DDX31: variants seen among roughly 807,000 people sequenced by gnomAD.
DDX31 encodes ATP-dependent DNA helicase DDX31.
Under a neutral mutation model 91.3 loss-of-function variants are expected in DDX31, and 70 were observed. The observed-to-expected ratio is 0.77, with a 90% confidence interval of 0.63 to 0.94. The LOEUF (loss-of-function observed/expected upper bound fraction) is 0.94, where lower values mean the gene tolerates loss of function less well. DDX31 is among the 40% of genes least tolerant of loss of function. The pLI is 0.00. For missense variants in DDX31, 902 were observed against 925.0 expected (o/e 0.98, Z 0.32); for synonymous variants, 362 against 350.6 (o/e 1.03, Z -0.36).
intron 19 of DDX31, among the ~76,000 whole-genome samples, chr9:132,611,117 A>G (rs1376166299): frequency 6.6e-6 from 1 of 152,186 alleles, no homozygotes; most frequent in Non-Finnish European, 1.5e-5. Context: ...GGCAGCTCAG[A>G]GTGGTTCTGC....
Position 132,593,002 on chromosome 9 carries a change from G to A in DDX31, c.*1864C>T, listed in dbSNP as rs1351962638. 2.6e-5 allele frequency: 4 copies of A among 152,162 alleles called. No individual in the cohort carries two copies. The highest frequency in any genetic ancestry group is 9.7e-5 in the African/African-American group (4 of 41,408). The allele number at this position is 152,162 out of a possible 1,614,324, so 9.4% of individuals were successfully genotyped here. ...TAATCTGTCAAGAGCCATAATAGAAGAGAAAGAGATTTATTTTAAGGTTAT... is the reference window on the plus strand; with the variant it reads ...TAATCTGTCAAGAGCCATAATAGAAAAGAAAGAGATTTATTTTAAGGTTAT... On this transcript the variant is annotated 3_prime_UTR_variant, in exon 20 of 20. Coordinates refer to ENST00000372159, the MANE Select transcript of DDX31 (RefSeq NM_022779.9).
At chr9:132,648,036 T>C (rs532245521) in intron 11 of DDX31, among the ~76,000 whole-genome samples, 153 bp downstream of exon 11, 23 of 152,172 alleles carry the variant, frequency 1.5e-4, no homozygotes, top group African/African-American at 5.1e-4. Flanking sequence ...GTGTAGAACA[T>C]AGAGTTTGAA....
At chr9:132,628,411 G>A (rs917389059) in intron 16 of DDX31, among the ~76,000 whole-genome samples, 6 of 152,070 alleles carry the variant, frequency 3.9e-5, no homozygotes, top group South Asian at 2.1e-4. Flanking sequence ...ACGTAAATGC[G>A]GGCACACTAT....
intron 11 of DDX31, among the ~76,000 whole-genome samples, chr9:132,647,978 C>A (rs1833939572): frequency 6.6e-6 from 1 of 152,090 alleles, no homozygotes; most frequent in South Asian, 2.1e-4. Context: ...TTTCCCCATG[C>A]CCTGGGGAAC....
At chr9:132,611,346 G>T (rs1457090972) in intron 19 of DDX31, among the ~76,000 whole-genome samples, 1 of 152,176 alleles carries the variant, frequency 6.6e-6, no homozygotes, top group Non-Finnish European at 1.5e-5. Flanking sequence ...TGACATGAGT[G>T]GCTCACAGGG....
At chr9:132,624,372 T>C (rs1832261033) in intron 17 of DDX31, among the ~76,000 whole-genome samples, 1 of 152,150 alleles carries the variant, frequency 6.6e-6, no homozygotes, top group Admixed American at 6.5e-5. Context: ...TAAAGTAACC[T>C]GATGACCAAT....
intron 5 of DDX31, 137 bp from the exon 6 acceptor site, chr9:132,658,872 C>G: frequency 1.4e-6 from 1 of 719,640 alleles, no homozygotes; most frequent in Non-Finnish European, 2.2e-6. Flanking sequence ...GCCCATTATA[C>G]ATCCAAGAGA....
At chr9:132,642,099 A>G in intron 13 of DDX31, 36 bp from the exon 14 acceptor site, 1 of 1,598,228 alleles carries the variant, frequency 6.3e-7, no homozygotes, top group Non-Finnish European at 8.6e-7. Flanking sequence ...CTTACAACTC[A>G]GAGACAAACT....
chr9:132,631,975 C>A, intron 15 of DDX31, 66 bp downstream of exon 15: 1 of 1,400,936 alleles, frequency 7.1e-7, no homozygotes, highest in Non-Finnish European at 9.9e-7. Flanking sequence ...CTACTTAAAG[C>A]CAATGCATCT....
chr9:132,651,186 T>C (rs1834165084), intron 7 of DDX31, 70 bp from the exon 8 acceptor site: 8 of 1,342,132 alleles, frequency 6.0e-6, no homozygotes, highest in Non-Finnish European at 8.4e-6. Flanking sequence ...GACAATTTAA[T>C]GTGATTAGGA....
At chr9:132,608,629 T>C (rs564999689) in intron 19 of DDX31, among the ~76,000 whole-genome samples, 15 of 152,274 alleles carry the variant, frequency 9.9e-5, no homozygotes, top group Non-Finnish European at 1.9e-4. Flanking sequence ...GCACATAATA[T>C]ATAATTATTC....
intron 19 of DDX31, among the ~76,000 whole-genome samples, chr9:132,609,445 C>A (rs974606510): frequency 1.3e-5 from 2 of 152,110 alleles, no homozygotes; most frequent in South Asian, 2.1e-4. Context: ...GCCTCCAATT[C>A]CCCCGCCCAC....
intron 19 of DDX31, among the ~76,000 whole-genome samples, chr9:132,607,449 T>C (rs1173367334): frequency 6.6e-6 from 1 of 152,200 alleles, no homozygotes; most frequent in East Asian, 1.9e-4. Flanking sequence ...AATTATTGCA[T>C]TACTGATAAT....
At chr9:132,598,610 A>G (rs1488918391) in intron 19 of DDX31, among the ~76,000 whole-genome samples, 1 of 152,220 alleles carries the variant, frequency 6.6e-6, no homozygotes, top group Non-Finnish European at 1.5e-5. Context: ...TGGAGAAGAG[A>G]GATCGCAGGG....
chr9:132,621,703 C>T (rs1023894277), intron 17 of DDX31, among the ~76,000 whole-genome samples: 23 of 152,296 alleles, frequency 1.5e-4, no homozygotes, highest in Admixed American at 7.2e-4. Flanking sequence ...TTAAGACACA[C>T]GTTATTTCTT....
At chr9:132,609,866 C>T (rs1440503586) in intron 19 of DDX31, among the ~76,000 whole-genome samples, 1 of 152,132 alleles carries the variant, frequency 6.6e-6, no homozygotes, top group Non-Finnish European at 1.5e-5. Context: ...GTGATCCACC[C>T]GCCTCGGCCT....
At chr9:132,646,263 G>A (rs974242675) in intron 12 of DDX31, among the ~76,000 whole-genome samples, 192 bp from the exon 13 acceptor site, 4 of 152,080 alleles carry the variant, frequency 2.6e-5, no homozygotes, top group East Asian at 1.9e-4. Context: ...AGAGGAAAAC[G>A]ACACAGCTAT....
chr9:132,603,445 G>A lies in DDX31; in HGVS notation c.1995-8333C>T, dbSNP rs561525649. ...TTCCTGTTGCAGAAAGCAACTTAAT[G>A]AAAGTAGAGTTAGATTAGAAGAGGA... On this transcript the variant is annotated intron_variant, in intron 19 of 19. Coordinates refer to ENST00000372159, the MANE Select transcript of DDX31 (RefSeq NM_022779.9). Among the ~76,000 whole-genome samples, 17 of 152,324 alleles carry A rather than the reference G, an allele frequency of 1.1e-4. No homozygotes were observed. In the South Asian group the frequency reaches 3.3e-3, roughly 30 times the overall value.
Position 132,669,957 on chromosome 9 carries a change from TGCAGCAGCGAGCCCGGTGC to T in DDX31, c.-42_-24del. Reference sequence around the variant, plus strand: ...CATGGTCTGCGTGGGTGACGCGTGGTGCAGCAGCGAGCCCGGTGCGCAGACTGCTGGGCCCGGGACCCCA... The same window carrying T: ...CATGGTCTGCGTGGGTGACGCGTGGTGCAGACTGCTGGGCCCGGGACCCCA... On this transcript the variant is annotated 5_prime_UTR_variant, in exon 1 of 20. Transcript: ENST00000372159. 4 of 1,583,414 alleles carry T rather than the reference TGCAGCAGCGAGCCCGGTGC, an allele frequency of 2.5e-6. No individual in the cohort carries two copies. The highest frequency in any genetic ancestry group is 3.4e-6 in the Non-Finnish European group (4 of 1,165,760).
Sources: allele counts gnomAD v4.1 joint callset (sites outside exome capture counted in the v4.1 genomes callset), GRCh38; gene constraint gnomAD v4.1.1; transcripts MANE v1.5; gene names NCBI Gene and HGNC (gene_info 2026-07-23, HGNC 2026-07-21).